The following ITGB4 variants were observed in gnomAD, a reference collection of about 807,000 sequenced individuals.
The protein encoded by ITGB4 is integrin beta-4.
A neutral mutation model predicts 207.6 loss-of-function variants in ITGB4; 159 were observed. That is an observed-to-expected ratio of 0.77 (90% CI 0.67 to 0.87). The LOEUF (loss-of-function observed/expected upper bound fraction) is 0.87, where lower values mean the gene tolerates loss of function less well. Among genes scored for constraint, ITGB4 ranks in the 40% least tolerant of loss-of-function variants. The pLI, the probability that ITGB4 is intolerant of heterozygous loss-of-function variation, is 0.00. For missense variants in ITGB4, 2,278 were observed against 2,546.8 expected (o/e 0.89, Z 2.27); for synonymous variants, 1,020 against 1,062.7 (o/e 0.96, Z 0.78).
rs770380318 is a variant in ITGB4, at chr17:75,727,711, C to A, written c.325C>A (p.Arg109Ser). Residue 109 changes from arginine to serine, a missense_variant, in exon 5 of 40, where the codon CGT becomes AGT. Physicochemically the swap from Arg to Ser is moderately radical, Grantham distance 110. Coordinates refer to ENST00000200181, the MANE Select transcript of ITGB4 (RefSeq NM_000213.5). The surrounding 1 kb of genome is among the most constrained non-coding windows in gnomAD (Gnocchi z 6.0). ...SQMSPQGLRVRLRPGEERHFE... is the reference protein window; with the variant it reads ...SQMSPQGLRVSLRPGEERHFE... ...GATGTCCCCCCAAGGCCTGCGGGTC[C>A]GTCTGCGGCCCGGTGAGGAGCGGCA... The A allele has an allele frequency of 6.2e-7, 1 of 1,613,190 alleles. No individual in the cohort carries two copies. The highest frequency in any genetic ancestry group is 2.2e-5 in the East Asian group (1 of 44,874).
Position 75,730,345 on chromosome 17 carries a change from G to A in ITGB4, c.843G>A (p.Met281Ile). 6.2e-7 allele frequency: 1 copy of A among 1,613,848 alleles called. No individual in the cohort carries two copies. Among genetic ancestry groups the A allele is most frequent in the Non-Finnish European group, 8.5e-7 (1 of 1,180,032 alleles). ...GCGCCAACGTGCTGGCTGGCATCAT[G>A]AGCCGCAACGATGAACGGTGCCACC... ...ADGANVLAGI[M>I]SRNDERCHLD... Residue 281 changes from methionine to isoleucine, a missense_variant, in exon 8 of 40, where the codon ATG becomes ATA. Coordinates refer to ENST00000200181, the MANE Select transcript of ITGB4 (RefSeq NM_000213.5).
intron 13 of ITGB4, among the ~76,000 whole-genome samples, chr17:75,734,550 T>G (rs1351605315): frequency 6.6e-6 from 1 of 152,176 alleles, no homozygotes; most frequent in Non-Finnish European, 1.5e-5. Flanking sequence ...ACATCAGAGC[T>G]GGGCAGGATC....
In ITGB4 at chr17:75,731,175, C is replaced by T. The variant is rs190295755; in HGVS notation, c.1093-71C>T. The T allele has an allele frequency of 1.4e-5, 22 of 1,610,842 alleles. No individual in the cohort carries two copies. In the Admixed American group the frequency reaches 2.3e-4, roughly 17 times the overall value. ...TCTGTGATACCCCGCATGATGCCAGCCACACTTGGAGGTTGGGGTGGAGCA... is the reference window on the plus strand; with the variant it reads ...TCTGTGATACCCCGCATGATGCCAGTCACACTTGGAGGTTGGGGTGGAGCA... On this transcript the variant is annotated intron_variant, in intron 9 of 39. Transcript: ENST00000200181. This position sits in a 1 kb window ranked among gnomAD's most constrained non-coding sequence, Gnocchi z 6.8.
In ITGB4 at chr17:75,739,034, AC is replaced by A. The variant is rs1471768357; in HGVS notation, c.2221-637del. Among the ~76,000 whole-genome samples the A allele has an allele frequency of 6.6e-6, 1 of 151,978 alleles. No homozygotes were observed. The highest frequency in any genetic ancestry group is 2.4e-5 in the African/African-American group (1 of 41,360). ...TTAAATTTAAGTTACAGTGGCTCAC[AC>A]TTGTAACCCCAGCACTTTGGGAGGC... On this transcript the variant is annotated intron_variant, in intron 18 of 39. Transcript: ENST00000200181. The surrounding 1 kb of genome is among the most constrained non-coding windows in gnomAD (Gnocchi z 5.4).
chr17:75,736,766 A>G (rs2060987884), intron 16 of ITGB4, 72 bp downstream of exon 16: 2 of 1,515,434 alleles, frequency 1.3e-6, no homozygotes, highest in East Asian at 4.7e-5. Context: ...CAAGGGTGTC[A>G]TCACCTGGAC....
chr17:75,723,190 T>C (rs370973573), intron 1 of ITGB4, among the ~76,000 whole-genome samples: 1 of 152,094 alleles, frequency 6.6e-6, no homozygotes, highest in East Asian at 1.9e-4. Context: ...GATGGGGAAG[T>C]TCCACAGCCT....
At chr17:75,755,266 T>C (rs1234680294) in intron 34 of ITGB4, 9 of 1,562,232 alleles carry the variant, frequency 5.8e-6, no homozygotes, top group Non-Finnish European at 7.8e-6. Context: ...CCATCTGTCA[T>C]CCAGCCACCA....
chr17:75,746,720 G>A (rs534673311), intron 26 of ITGB4, among the ~76,000 whole-genome samples: 2 of 151,110 alleles, frequency 1.3e-5, no homozygotes, highest in Non-Finnish European at 1.5e-5. Context: ...CGGGCAGATC[G>A]CTTGAGATCA....
chr17:75,735,412 C>CTTTTTTTTTTTT (rs71361693), intron 13 of ITGB4, among the ~76,000 whole-genome samples: 64 of 102,842 alleles, frequency 6.2e-4, no homozygotes, highest in Non-Finnish European at 8.4e-4. Flanking sequence ...TTTTTCTTTT[C>CTTTTTTTTTTTT]TTTTTTTTTT....
chr17:75,724,868 T>G, intron 2 of ITGB4, 86 bp downstream of exon 2: 3 of 1,146,346 alleles, frequency 2.6e-6, no homozygotes, highest in Non-Finnish European at 3.9e-6. Context: ...TCACGGTGTC[T>G]CACCTAAACA....
At position 75,731,320 on chromosome 17, in the gene ITGB4, G is replaced by A. The variant is rs1328702671; in HGVS notation, c.1167G>A (p.Met389Ile). ...TTCGGACAGAGGTCACCTCCAAGAT[G>A]TTCCAGAAGACGAGGACTGGGTCCT... ...RGLRTEVTSK[M>I]FQKTRTGSFH... is the part of the protein sequence containing the mutation. The change falls in exon 10 of 40, where the codon ATG (methionine) becomes ATA (isoleucine). Residue 389 changes from methionine to isoleucine, a missense_variant. Physicochemically the swap from Met to Ile is conservative, Grantham distance 10 (BLOSUM62 1). Coordinates refer to ENST00000200181, the MANE Select transcript of ITGB4 (RefSeq NM_000213.5). The surrounding 1 kb of genome is among the most constrained non-coding windows in gnomAD (Gnocchi z 6.8). The A allele has an allele frequency of 2.5e-6, 4 of 1,613,394 alleles. No individual in the cohort carries two copies. The highest frequency in any genetic ancestry group is 1.1e-5 in the South Asian group (1 of 91,090).
chr17:75,721,757 G>A (rs1028230250), intron 1 of ITGB4, 145 bp downstream of exon 1: 5 of 152,526 alleles, frequency 3.3e-5, no homozygotes, highest in East Asian at 3.9e-4. Flanking sequence ...CAGCCTCCCC[G>A]GGGTGCGCCG....
rs533297577 is a variant in ITGB4 at position 75,721,907 on chromosome 17, C to T, written c.-11+295C>T. ...GCTGGTAGCCCTCTGGGGCTGGGCC[C>T]CTCCAGGGTTTGCAAAGAAGGTGGA... On this transcript the variant is annotated intron_variant, in intron 1 of 39. Coordinates refer to ENST00000200181, the MANE Select transcript of ITGB4 (RefSeq NM_000213.5). Among the ~76,000 whole-genome samples, 260 of 152,244 alleles carry T rather than the reference C, an allele frequency of 1.7e-3. 1 individual carries two copies. The highest frequency in any genetic ancestry group is 3.0e-3 in the Non-Finnish European group (204 of 67,986).
chr17:75,755,307 C>T (rs1215753711), intron 34 of ITGB4: 1 of 1,343,296 alleles, frequency 7.4e-7, no homozygotes, highest in Non-Finnish European at 1.0e-6. Flanking sequence ...CACTGCTTCC[C>T]CTCCATTCCA....
At chr17:75,755,938 G>C in intron 35 of ITGB4, 88 bp downstream of exon 35, 1 of 1,490,198 alleles carries the variant, frequency 6.7e-7, no homozygotes, top group Non-Finnish European at 9.1e-7. Context: ...GCTGTGTCAG[G>C]AACCCACCCA....
In ITGB4 at chr17:75,750,567, C is replaced by A. The variant is rs978335814; in HGVS notation, c.3475-113C>A. 5 of 982,214 alleles carry A rather than the reference C, an allele frequency of 5.1e-6. No homozygotes were observed. Among genetic ancestry groups the A allele is most frequent in the South Asian group, 1.4e-5 (1 of 72,582 alleles). The allele number at this position is 982,214 out of a possible 1,614,324, so 60.8% of individuals were successfully genotyped here. Reference sequence around the variant, plus strand: ...GCACATGGCAGATCTCTCAGCCCCTCCCTCGGGCCTCATCTGTGCAAAGAG... The same window carrying A: ...GCACATGGCAGATCTCTCAGCCCCTACCTCGGGCCTCATCTGTGCAAAGAG... On this transcript the variant is annotated intron_variant, in intron 28 of 39. Coordinates refer to ENST00000200181, the MANE Select transcript of ITGB4 (RefSeq NM_000213.5). This position sits in a 1 kb window ranked among gnomAD's most constrained non-coding sequence, Gnocchi z 5.5.
chr17:75,756,321 C>T, intron 35 of ITGB4, 108 bp from the exon 36 acceptor site: 8 of 1,233,214 alleles, frequency 6.5e-6, no homozygotes, highest in African/African-American at 1.5e-5. Context: ...CACAGCTAGT[C>T]CTGGGTGGGT....
In ITGB4 at chr17:75,750,013, G is replaced by T. The variant is rs1031930594; in HGVS notation, c.3317-98G>T. 4 of 1,483,940 alleles carry T rather than the reference G, an allele frequency of 2.7e-6. No homozygotes were observed. Among genetic ancestry groups the T allele is most frequent in the Non-Finnish European group, 3.8e-6 (4 of 1,063,262 alleles). 91.9% of individuals were successfully genotyped at this position (1,483,940 alleles called of 1,614,324 possible). A position where few individuals can be genotyped will look rare whatever the true frequency, so the allele number is the denominator to read the frequency against. On this transcript the variant is annotated intron_variant, in intron 27 of 39. Transcript: ENST00000200181. This position sits in a 1 kb window ranked among gnomAD's most constrained non-coding sequence, Gnocchi z 5.5. ...GGGTGGGCAGGTCTGAGTTGAATGC[G>T]CTGGGTAGAGCGCCCTGGGTGTTGA...
chr17:75,744,277 C>G (rs1420695457), intron 26 of ITGB4, among the ~76,000 whole-genome samples: 1 of 151,862 alleles, frequency 6.6e-6, no homozygotes, highest in Non-Finnish European at 1.5e-5. Flanking sequence ...TGTGCCACCA[C>G]GCATGTCTAA....
Sources: allele counts gnomAD v4.1 joint callset (sites outside exome capture counted in the v4.1 genomes callset), GRCh38; gene constraint gnomAD v4.1.1; non-coding constraint Gnocchi (gnomAD v3.1); transcripts MANE v1.5; gene names NCBI Gene and HGNC (gene_info 2026-07-23, HGNC 2026-07-21).